RPS6KA2: variants seen among roughly 807,000 people sequenced by gnomAD.
The protein encoded by RPS6KA2 is ribosomal protein S6 kinase alpha-2.
Under a neutral mutation model 91.8 loss-of-function variants are expected in RPS6KA2, and 42 were observed. That is an observed-to-expected ratio of 0.46 (90% CI 0.36 to 0.59). The LOEUF is 0.59. Ranked by LOEUF, RPS6KA2 falls within the 20% of genes least tolerant of loss-of-function variation. The probability of loss-of-function intolerance (pLI) is 0.00; values close to 1 mark genes in which losing one functional copy is unlikely to be tolerated. For synonymous variants in RPS6KA2, 414 were observed against 393.6 expected (o/e 1.05, Z -0.61); for missense variants, 798 against 978.5 (o/e 0.82, Z 2.46).
At chr6:166,696,973 G>A (rs182111013) in intron 2 of RPS6KA2, among the ~76,000 whole-genome samples, 3 of 152,224 alleles carry the variant, frequency 2.0e-5, no homozygotes, top group East Asian at 1.9e-4. Context: ...ACTTCAGCCT[G>A]CCAACTGCAC....
chr6:166,627,626 C>T (rs544068382), upstream of RPS6KA2: 3 of 152,820 alleles, frequency 2.0e-5, no homozygotes, highest in East Asian at 1.9e-4. Context: ...TGCCCGCAGC[C>T]GCCGCATACC....
At chr6:166,475,068 C>A (rs551786361) in intron 10 of RPS6KA2, among the ~76,000 whole-genome samples, 1 of 152,174 alleles carries the variant, frequency 6.6e-6, no homozygotes, top group South Asian at 2.1e-4. Flanking sequence ...AGTCCTCCAC[C>A]TGGGAGGCGT....
chr6:166,477,048 C>G (rs577851519), intron 10 of RPS6KA2, among the ~76,000 whole-genome samples: 1 of 152,322 alleles, frequency 6.6e-6, no homozygotes, highest in African/African-American at 2.4e-5. Context: ...AGCCACAAAA[C>G]CGGCCGCCTG....
At chr6:166,644,470 T>C (rs1260017265) in intron 2 of RPS6KA2, among the ~76,000 whole-genome samples, 2 of 152,184 alleles carry the variant, frequency 1.3e-5, no homozygotes, top group Non-Finnish European at 2.9e-5. Flanking sequence ...TTCTGGTGAC[T>C]TTTAGGAAGT....
intron 2 of RPS6KA2, among the ~76,000 whole-genome samples, chr6:166,672,579 A>G (rs1261400054): frequency 3.3e-5 from 5 of 152,292 alleles, no homozygotes; most frequent in Non-Finnish European, 7.4e-5. Context: ...CTTGGTTTCT[A>G]GATTTCTGAG....
At chr6:166,455,272 G>A (rs1436837505) in intron 12 of RPS6KA2, among the ~76,000 whole-genome samples, 2 of 152,128 alleles carry the variant, frequency 1.3e-5, no homozygotes. Flanking sequence ...TGGGGACAAC[G>A]GTTATGAGGG....
At chr6:166,781,899 C>T (rs1307144084) in intron 2 of RPS6KA2, among the ~76,000 whole-genome samples, 1 of 152,194 alleles carries the variant, frequency 6.6e-6, no homozygotes, top group Non-Finnish European at 1.5e-5. Context: ...TGGGGCCTGT[C>T]CTGTGCATGC....
intron 1 of RPS6KA2, chr6:166,586,490 AAAGG>A (rs1785178647): frequency 6.3e-7 from 1 of 1,594,254 alleles, no homozygotes; most frequent in Non-Finnish European, 8.5e-7. Flanking sequence ...TGAAAATCCC[AAAGG>A]TTTGAGGCAG....
Position 166,751,778 on chromosome 6 carries a change from C to T in RPS6KA2, c.123+106422G>A, listed in dbSNP as rs369545533. Among the ~76,000 whole-genome samples the T allele has an allele frequency of 4.6e-5, 7 of 152,384 alleles. No homozygotes were observed. In the East Asian group the frequency reaches 1.2e-3, roughly 25 times the overall value. On this transcript the variant is annotated intron_variant, in intron 2 of 21. Transcript: ENST00000503859. The stretch of plus-strand genomic sequence containing the variant: ...TTTGGGGATTCTATGCAAAGCCAAA[C>T]AGTGGCACAGACTCTAGGAAATCTA...
intron 3 of RPS6KA2, among the ~76,000 whole-genome samples, chr6:166,526,776 A>C (rs1182477878): frequency 6.6e-6 from 1 of 152,274 alleles, no homozygotes; most frequent in Non-Finnish European, 1.5e-5. Flanking sequence ...AACTTGCAGT[A>C]ACAGAGTATA....
At chr6:166,677,520 C>T (rs1788655748) in intron 2 of RPS6KA2, among the ~76,000 whole-genome samples, 1 of 151,986 alleles carries the variant, frequency 6.6e-6, no homozygotes. Context: ...ACCACCACTC[C>T]CAGCTAATTT....
In RPS6KA2 at chr6:166,418,461, T is replaced by C. The variant is rs74424401; in HGVS notation, c.1821-119A>G. On this transcript the variant is annotated intron_variant, in intron 18 of 20. Transcript: ENST00000265678. The surrounding 1 kb of genome is among the most constrained non-coding windows in gnomAD (Gnocchi z 4.9). ...AATAGCACTTTGCTTCTCCCTCCTC[T>C]GCTCTGAAGCCAGGATTCATGGGAA... 2,769 of 752,364 alleles carry C rather than the reference T, an allele frequency of 3.7e-3. 62 individuals carry two copies. In the African/African-American group the frequency reaches 0.042, roughly 11 times the overall value. 46.6% of individuals were successfully genotyped at this position (752,364 alleles called of 1,614,324 possible). A position where few individuals can be genotyped will look rare whatever the true frequency, so the allele number is the denominator to read the frequency against.
In RPS6KA2 at chr6:166,665,254, C is replaced by G. The variant is rs1044960033; in HGVS notation, c.124-126470G>C. On this transcript the variant is annotated intron_variant, in intron 2 of 21. Coordinates refer to the RPS6KA2 transcript ENST00000503859. This position sits in a 1 kb window ranked among gnomAD's most constrained non-coding sequence, Gnocchi z 4.5. Reference sequence around the variant, plus strand: ...TTGTGAGATTTCATCCTCAGGTACACACACCATGGTGTGACTTACAGGAGC... The same window carrying G: ...TTGTGAGATTTCATCCTCAGGTACAGACACCATGGTGTGACTTACAGGAGC... Among the ~76,000 whole-genome samples the G allele has an allele frequency of 9.2e-5, 14 of 152,166 alleles. No homozygotes were observed. Among genetic ancestry groups the G allele is most frequent in the Middle Eastern group, 3.2e-3 (1 of 316 alleles).
chr6:166,743,127 T>C (rs912327013), intron 2 of RPS6KA2, among the ~76,000 whole-genome samples: 4 of 152,232 alleles, frequency 2.6e-5, no homozygotes, highest in African/African-American at 9.7e-5. Flanking sequence ...CTCTAGCAAC[T>C]GGCCCAAGAC....
Position 166,710,873 on chromosome 6 carries a change from G to A in RPS6KA2, c.123+147327C>T, listed in dbSNP as rs889458186. Among the ~76,000 whole-genome samples the A allele has an allele frequency of 1.7e-4, 26 of 152,136 alleles. 1 individual carries two copies. Among genetic ancestry groups the A allele is most frequent in the African/African-American group, 5.8e-4 (24 of 41,432 alleles). On this transcript the variant is annotated intron_variant, in intron 2 of 21. Transcript: ENST00000503859. ...CAACCCAGGAATTCCAGCAGGCACA[G>A]ACAAAATAAAATCCCAACAAAAGCC...
chr6:166,451,307 T>TGC, intron 12 of RPS6KA2, 74 bp from the exon 13 acceptor site: 1 of 1,552,916 alleles, frequency 6.4e-7, no homozygotes, highest in Non-Finnish European at 8.8e-7. Flanking sequence ...AGTGTGTGTG[T>TGC]GCATGTGGTA....
chr6:166,562,223 G>T (rs988056461), intron 1 of RPS6KA2, among the ~76,000 whole-genome samples: 9 of 152,148 alleles, frequency 5.9e-5, no homozygotes, highest in African/African-American at 2.2e-4. Context: ...TACTCACTTT[G>T]CATCTCTAGG....
intron 2 of RPS6KA2, among the ~76,000 whole-genome samples, chr6:166,805,758 C>T (rs746172163): frequency 3.3e-5 from 5 of 151,780 alleles, no homozygotes; most frequent in Non-Finnish European, 7.4e-5. Flanking sequence ...AAGGCTCATT[C>T]AAAGGAAAAA....
intron 1 of RPS6KA2, among the ~76,000 whole-genome samples, chr6:166,614,909 G>C (rs893400828): frequency 5.9e-5 from 9 of 152,106 alleles, no homozygotes; most frequent in African/African-American, 1.9e-4. Context: ...TCCTTAACTT[G>C]ATCGCACCTA....
Sources: gnomAD v4.1 joint callset for allele counts (sites outside exome capture counted in the v4.1 genomes callset) on GRCh38, gnomAD v4.1.1 for gene constraint, Gnocchi (gnomAD v3.1) non-coding constraint, MANE v1.5 for transcripts, NCBI Gene and HGNC (gene_info 2026-07-23, HGNC 2026-07-21) for gene names.